PRKCZ: variants seen among roughly 807,000 people sequenced by gnomAD.
The protein encoded by PRKCZ is protein kinase C zeta, also known as protein kinase C zeta type.
PRKCZ carries 33 observed loss-of-function variants against 79.5 expected under a neutral mutation model. The ratio of observed to expected loss-of-function variants is 0.41; its 90% CI spans 0.31 to 0.55. The LOEUF is 0.55. Among genes scored for constraint, PRKCZ ranks in the 20% least tolerant of loss-of-function variants. PRKCZ has a pLI of 0.19. For synonymous variants in PRKCZ, 342 were observed against 320.9 expected (o/e 1.07, Z -0.70); for missense variants, 578 against 813.5 (o/e 0.71, Z 3.52).
At chr1:2,050,124 T>C (rs1165876408), upstream of PRKCZ, 1 of 151,530 alleles carries the variant, frequency 6.6e-6, no homozygotes, top group African/African-American at 2.4e-5. Flanking sequence ...TTCCAGCGAG[T>C]TCCCGGGGGC....
intron 1 of PRKCZ, among the ~76,000 whole-genome samples, chr1:2,052,900 G>A (rs1034047466): frequency 2.0e-5 from 3 of 152,144 alleles, no homozygotes; most frequent in Non-Finnish European, 4.4e-5. Context: ...TGGCCACCCC[G>A]TCATCCTTGC....
At chr1:2,053,115 CTTT>C (rs35888403) in intron 1 of PRKCZ, among the ~76,000 whole-genome samples, 1 of 144,576 alleles carries the variant, frequency 6.9e-6, no homozygotes, top group South Asian at 2.2e-4. Flanking sequence ...TCAGCTCAGA[CTTT>C]TTTTTTTTTT....
In PRKCZ at chr1:2,102,314, GT is replaced by G. The variant is rs113018085; in HGVS notation, c.335-32937del. ...AAGCCTAGTACACGTTTTTTATTGCGTTTTTTTTTTTGTTTGTTTTGTTTTG... is the reference window on the plus strand; with the variant it reads ...AAGCCTAGTACACGTTTTTTATTGCGTTTTTTTTTTGTTTGTTTTGTTTTG... On this transcript the variant is annotated intron_variant, in intron 4 of 17. Coordinates refer to ENST00000378567, the MANE Select transcript of PRKCZ (RefSeq NM_002744.6). 8.5e-3 allele frequency among the ~76,000 whole-genome samples: 1,226 copies of G among 143,792 alleles called. 11 individuals are homozygous for G. The highest frequency in any genetic ancestry group is 0.012 in the African/African-American group (460 of 38,156). 94.3% of individuals were successfully genotyped at this position (143,792 alleles called of 152,430 possible).
intron 4 of PRKCZ, among the ~76,000 whole-genome samples, chr1:2,095,763 C>T (rs1026917743): frequency 5.5e-5 from 8 of 145,164 alleles, no homozygotes; most frequent in African/African-American, 1.0e-4. Flanking sequence ...CCCTCCTTTC[C>T]GCTCCCCTCC....
At chr1:2,132,567 C>T (rs1675208455) in intron 4 of PRKCZ, among the ~76,000 whole-genome samples, 1 of 152,156 alleles carries the variant, frequency 6.6e-6, no homozygotes, top group East Asian at 1.9e-4. Context: ...CGGGTTGCTT[C>T]GATGGTTCTC....
Position 2,055,476 on chromosome 1 carries a change from CCTT to C in PRKCZ, c.109_111del (p.Phe37del). On this transcript the variant is annotated inframe_deletion, in exon 2 of 18. Transcript: ENST00000378567. The stretch of plus-strand genomic sequence containing the variant: ...ATCACCAGCGTGGACGCCGCCACGA[CCTT>C]CGAGGAGCTCTGTGAGGAAGTGAGA... 6.2e-7 allele frequency: 1 copy of C among 1,613,990 alleles called. No homozygotes were observed. The highest frequency in any genetic ancestry group is 1.1e-5 in the South Asian group (1 of 91,070).
Position 2,148,909 on chromosome 1 carries a change from T to G in PRKCZ, c.672T>G (p.Ile224Met). The change falls in exon 8 of 18, where the codon ATT (isoleucine) becomes ATG (methionine). Residue 224 changes from isoleucine (I) to methionine (M), a missense_variant. By Grantham distance (10) the Ile-to-Met change is conservative. Coordinates refer to ENST00000378567, the MANE Select transcript of PRKCZ (RefSeq NM_002744.6). The stretch of plus-strand genomic sequence containing the variant: ...CCTCATCCCGGAAGCATGACAGCAT[T>G]AAAGACGACTCGGAGGTGAGTGTGT... Reference protein sequence around the residue: ...YISSSRKHDSIKDDSEDLKPV... With the variant: ...YISSSRKHDSMKDDSEDLKPV... 1 of 1,613,950 alleles carries G rather than the reference T, an allele frequency of 6.2e-7. No homozygotes were observed.
intron 4 of PRKCZ, among the ~76,000 whole-genome samples, chr1:2,102,870 C>T (rs917924088): frequency 6.6e-6 from 1 of 151,832 alleles, no homozygotes. Context: ...TATATTCTGG[C>T]CCCTCCCCCC....
chr1:2,148,457 C>T (rs1402787197), intron 7 of PRKCZ, among the ~76,000 whole-genome samples: 1 of 152,146 alleles, frequency 6.6e-6, no homozygotes, highest in Non-Finnish European at 1.5e-5. Context: ...TGTCCACTGA[C>T]CTCTCCATCT....
At chr1:2,053,341 C>T (rs562223750) in intron 1 of PRKCZ, among the ~76,000 whole-genome samples, 32 of 152,294 alleles carry the variant, frequency 2.1e-4, no homozygotes, top group African/African-American at 7.5e-4. Context: ...CCTCGTGATC[C>T]GCCCGCCTTG....
At chr1:2,049,781 G>C (rs748938423), upstream of PRKCZ, 7 of 152,348 alleles carry the variant, frequency 4.6e-5, no homozygotes, top group Non-Finnish European at 1.0e-4. Context: ...TAAGGCCCGA[G>C]AGGCTGTGGC....
intron 4 of PRKCZ, chr1:2,133,696 T>C (rs2103014052): frequency 1.3e-5 from 2 of 153,034 alleles, no homozygotes; most frequent in Middle Eastern, 6.8e-3. Flanking sequence ...GCCCCTCAGC[T>C]GTGCGCCACT....
Position 2,082,042 on chromosome 1 carries a change from C to T in PRKCZ, c.334+22451C>T, listed in dbSNP as rs16824735. Among the ~76,000 whole-genome samples, 1,325 of 152,330 alleles carry T rather than the reference C, an allele frequency of 8.7e-3. 20 individuals carry two copies. Among genetic ancestry groups the T allele is most frequent in the African/African-American group, 0.031 (1,268 of 41,560 alleles). The stretch of plus-strand genomic sequence containing the variant: ...TGTTCATATTAAAGCAGGCTTGATC[C>T]GGGCTGCCGTGGTTCCGATCGACTC... On this transcript the variant is annotated intron_variant, in intron 4 of 17. Coordinates refer to ENST00000378567, the MANE Select transcript of PRKCZ (RefSeq NM_002744.6). This position sits in a 1 kb window ranked among gnomAD's most constrained non-coding sequence, Gnocchi z 4.4.
At chr1:2,164,531 G>T (rs567686095) in intron 10 of PRKCZ, among the ~76,000 whole-genome samples, 1 of 152,154 alleles carries the variant, frequency 6.6e-6, no homozygotes, top group Non-Finnish European at 1.5e-5. Context: ...CTCGAGGAAT[G>T]GGGGATGTGG....
At chr1:2,101,896 G>T (rs755198198) in intron 4 of PRKCZ, among the ~76,000 whole-genome samples, 52 of 152,192 alleles carry the variant, frequency 3.4e-4, no homozygotes, top group African/African-American at 1.2e-3. Context: ...AGCGGGCGTG[G>T]TGGATTTATA....
chr1:2,104,812 G>A, intron 4 of PRKCZ: 3 of 985,944 alleles, frequency 3.0e-6, no homozygotes, highest in Non-Finnish European at 3.6e-6. Flanking sequence ...GAGAGTTGGA[G>A]GGCGCTTCCT....
In PRKCZ at chr1:2,148,915, C is replaced by T. The variant is rs376968073; in HGVS notation, c.678C>T (p.Asp226=). ...CCCGGAAGCATGACAGCATTAAAGA[C>T]GACTCGGAGGTGAGTGTGTGGAGCA... ...SSSRKHDSIK[D]DSEDLKPVID... The change falls in exon 8 of 18, where the codon GAC becomes GAT. Residue 226 remains aspartate, a synonymous_variant. Transcript: ENST00000378567. 171 of 1,613,712 alleles carry T rather than the reference C, an allele frequency of 1.1e-4. No homozygotes were observed. Among genetic ancestry groups the T allele is most frequent in the Non-Finnish European group, 1.4e-4 (161 of 1,179,786 alleles).
intron 1 of PRKCZ, among the ~76,000 whole-genome samples, chr1:2,051,913 C>T (rs1659700292): frequency 6.6e-6 from 1 of 152,186 alleles, no homozygotes; most frequent in Non-Finnish European, 1.5e-5. Flanking sequence ...CTTCGGGGTG[C>T]AGTGGCCCGG....
At chr1:2,151,015 A>G (rs1359158224) in intron 9 of PRKCZ, 37 bp downstream of exon 9, 2 of 1,608,498 alleles carry the variant, frequency 1.2e-6, no homozygotes, top group Non-Finnish European at 1.7e-6. Flanking sequence ...GGGGCCCGGG[A>G]ACGCGCTGCC....
Sources: gnomAD v4.1 joint callset for allele counts (sites outside exome capture counted in the v4.1 genomes callset) on GRCh38, gnomAD v4.1.1 for gene constraint, Gnocchi (gnomAD v3.1) non-coding constraint, MANE v1.5 for transcripts, NCBI Gene and HGNC (gene_info 2026-07-23, HGNC 2026-07-21) for gene names.